The following ADAMTS9 variants were observed in gnomAD, a reference collection of about 807,000 sequenced individuals.
ADAMTS9 encodes A disintegrin and metalloproteinase with thrombospondin motifs 9.
ADAMTS9 carries 107 observed loss-of-function variants against 257.1 expected under a neutral mutation model. That is an observed-to-expected ratio of 0.42 (90% CI 0.36 to 0.49). The LOEUF (loss-of-function observed/expected upper bound fraction) is 0.49, where lower values mean the gene tolerates loss of function less well. ADAMTS9 is among the 20% of genes least tolerant of loss of function. The pLI is 0.03. For missense variants in ADAMTS9, 2,353 were observed against 2,469.1 expected (o/e 0.95, Z 1.00); for synonymous variants, 982 against 880.9 (o/e 1.11, Z -2.03).
chr3:64,641,708 T>G, intron 12 of ADAMTS9, 140 bp downstream of exon 12: 1 of 1,028,334 alleles, frequency 9.7e-7, no homozygotes. Flanking sequence ...TTGGGTACCG[T>G]GGGTCTAAGC....
intron 38 of ADAMTS9, among the ~76,000 whole-genome samples, chr3:64,528,677 C>T (rs1282075791): frequency 1.3e-5 from 2 of 152,100 alleles, no homozygotes; most frequent in African/African-American, 4.8e-5. Flanking sequence ...GGCCAACTTC[C>T]GAAACAATAT....
chr3:64,621,013 G>A, intron 19 of ADAMTS9, 101 bp downstream of exon 19: 3 of 1,400,540 alleles, frequency 2.1e-6, no homozygotes, highest in Non-Finnish European at 2.9e-6. Context: ...CAAGAAAGGG[G>A]AACTAAAGAC....
Position 64,541,314 on chromosome 3 carries a change from T to G in ADAMTS9, c.5387+6A>C. The G allele has an allele frequency of 6.2e-7, 1 of 1,614,140 alleles. No homozygotes were observed. Among genetic ancestry groups the G allele is most frequent in the Non-Finnish European group, 8.5e-7 (1 of 1,179,994 alleles). On this transcript the variant is annotated splice_donor_region_variant and intron_variant, in intron 35 of 39. Coordinates refer to ENST00000498707, the MANE Select transcript of ADAMTS9 (RefSeq NM_182920.2). The stretch of plus-strand genomic sequence containing the variant: ...CTCTGAGATCTTCTGAGCCTGGCTC[T>G]CCTACCTGTGCCCATAAACCTCGGA...
chr3:64,653,647 AATAG>A (rs1384838872), intron 8 of ADAMTS9, among the ~76,000 whole-genome samples: 1 of 152,214 alleles, frequency 6.6e-6, no homozygotes, highest in Admixed American at 6.5e-5. Context: ...ATTATTTCGA[AATAG>A]ATAGTATAAG....
At chr3:64,620,222 C>G (rs1700073336) in intron 19 of ADAMTS9, among the ~76,000 whole-genome samples, 1 of 152,118 alleles carries the variant, frequency 6.6e-6, no homozygotes, top group Admixed American at 6.6e-5. Flanking sequence ...AGTAGTCAAT[C>G]TCAGAACTCC....
At chr3:64,675,881 T>C (rs770997173) in intron 3 of ADAMTS9, among the ~76,000 whole-genome samples, 4 of 152,198 alleles carry the variant, frequency 2.6e-5, no homozygotes, top group East Asian at 1.9e-4. Flanking sequence ...GTGTGTAGCA[T>C]AGTGATCCCA....
In ADAMTS9 at chr3:64,548,299, C is replaced by T. The variant is rs181959063; in HGVS notation, c.4870-1347G>A. ...TCCCTAGGCCTTCCCTTCCAGTTGG[C>T]TCGAGACATAGAAATGCTCTGTGTA... On this transcript the variant is annotated intron_variant, in intron 31 of 39. Transcript: ENST00000498707. Among the ~76,000 whole-genome samples the T allele has an allele frequency of 7.2e-5, 11 of 152,304 alleles. No individual in the cohort carries two copies. In the East Asian group the frequency reaches 2.1e-3, roughly 29 times the overall value.
At chr3:64,630,508 T>C (rs995862050) in intron 16 of ADAMTS9, among the ~76,000 whole-genome samples, 2 of 151,956 alleles carry the variant, frequency 1.3e-5, no homozygotes, top group African/African-American at 4.8e-5. Context: ...GCCTGGGAGG[T>C]TGAAGATGCA....
intron 28 of ADAMTS9, among the ~76,000 whole-genome samples, chr3:64,585,752 G>A (rs989494251): frequency 2.6e-5 from 4 of 152,030 alleles, no homozygotes; most frequent in African/African-American, 9.7e-5. Flanking sequence ...TACTAAAAAT[G>A]CCAGAGATAG....
chr3:64,556,746 C>CTTCCT (rs2083341489), intron 30 of ADAMTS9, among the ~76,000 whole-genome samples: 2 of 150,662 alleles, frequency 1.3e-5, no homozygotes, highest in African/African-American at 4.9e-5. Context: ...TCCTTCCTTC[C>CTTCCT]TTCCTTCCTC....
At chr3:64,682,050 G>A (rs1701771340) in intron 2 of ADAMTS9, among the ~76,000 whole-genome samples, 1 of 152,162 alleles carries the variant, frequency 6.6e-6, no homozygotes, top group Non-Finnish European at 1.5e-5. Flanking sequence ...GGTACCACCT[G>A]TAACGCTGGC....
intron 3 of ADAMTS9, among the ~76,000 whole-genome samples, chr3:64,674,127 A>C (rs1347176601): frequency 6.6e-6 from 1 of 152,082 alleles, no homozygotes; most frequent in East Asian, 1.9e-4. Flanking sequence ...CAGAATTTTT[A>C]TAAGTACCAT....
chr3:64,559,244 G>C (rs184621866), intron 30 of ADAMTS9, among the ~76,000 whole-genome samples: 14 of 152,284 alleles, frequency 9.2e-5, no homozygotes, highest in Admixed American at 8.5e-4. Context: ...GGGACATTCT[G>C]AGCAGGCTGT....
At chr3:64,546,655 C>T (rs1409216237) in intron 32 of ADAMTS9, 103 bp downstream of exon 32, 2 of 1,270,564 alleles carry the variant, frequency 1.6e-6, no homozygotes, top group East Asian at 2.5e-5. Flanking sequence ...CAGGGTTTCT[C>T]CTGGAAGTAG....
At chr3:64,626,536 CA>C (rs1700226324) in intron 16 of ADAMTS9, among the ~76,000 whole-genome samples, 1 of 152,026 alleles carries the variant, frequency 6.6e-6, no homozygotes, top group African/African-American at 2.4e-5. Context: ...TGGAGAGTAC[CA>C]AAGGTGGGAG....
chr3:64,623,966 G>A (rs1406691955), intron 16 of ADAMTS9, among the ~76,000 whole-genome samples: 1 of 151,656 alleles, frequency 6.6e-6, no homozygotes, highest in Non-Finnish European at 1.5e-5. Context: ...GTGCCAAAAT[G>A]TTGGCCAAAT....
chr3:64,661,249 T>A (rs1401898282), intron 3 of ADAMTS9, among the ~76,000 whole-genome samples: 1 of 152,234 alleles, frequency 6.6e-6, no homozygotes, highest in Non-Finnish European at 1.5e-5. Flanking sequence ...AGAACACTCA[T>A]ATATGTATAC....
At chr3:64,561,198 C>T in intron 30 of ADAMTS9, 1 of 162,560 alleles carries the variant, frequency 6.2e-6, no homozygotes, top group Non-Finnish European at 1.3e-5. Flanking sequence ...TAAAGTCTGC[C>T]CTGCGGCTAT....
At chr3:64,517,415 G>GTTTTTTTTTT (rs1242670245) in intron 39 of ADAMTS9, among the ~76,000 whole-genome samples, 11 of 11,544 alleles carry the variant, frequency 9.5e-4, no homozygotes, top group African/African-American at 1.6e-3. Context: ...AATTAAAAAT[G>GTTTTTTTTTT]GTTTTTTTTT....
Sources: allele counts gnomAD v4.1 joint callset (sites outside exome capture counted in the v4.1 genomes callset), GRCh38; gene constraint gnomAD v4.1.1; transcripts MANE v1.5; gene names NCBI Gene and HGNC (gene_info 2026-07-23, HGNC 2026-07-21).